Variants in PHKB observed in about 807,000 individuals in gnomAD.
PHKB encodes phosphorylase kinase regulatory subunit beta, also known as phosphorylase b kinase regulatory subunit beta.
In PHKB, 122 loss-of-function variants were observed where a neutral mutation model predicts 152.1. The observed-to-expected ratio is 0.80, with a 90% CI of 0.69 to 0.93. The LOEUF (loss-of-function observed/expected upper bound fraction) is 0.93, where lower values mean the gene tolerates loss of function less well. Ranked by LOEUF, PHKB falls within the 40% of genes least tolerant of loss-of-function variation. The pLI is 0.00. For synonymous variants in PHKB, 436 were observed against 464.9 expected (o/e 0.94, Z 0.80); for missense variants, 1,304 against 1,328.4 (o/e 0.98, Z 0.29).
At position 47,641,752 on chromosome 16, in the gene PHKB, G is replaced by A. The variant is rs151140272; in HGVS notation, c.1608+60G>A. The stretch of plus-strand genomic sequence containing the variant: ...TAGAGGTACTAGAGCTTGATGGTTG[G>A]ACTTAGTTTACAGACAAGTCACACA... On this transcript the variant is annotated intron_variant, in intron 16 of 30. Transcript: ENST00000323584. 5,700 of 912,000 alleles carry A rather than the reference G, an allele frequency of 6.3e-3. 23 individuals are homozygous for A. Among genetic ancestry groups the A allele is most frequent in the Non-Finnish European group, 8.2e-3 (4,447 of 541,424 alleles). The allele number at this position is 912,000 out of a possible 1,614,324, so 56.5% of individuals were successfully genotyped here. A position where few individuals can be genotyped will look rare whatever the true frequency, so the allele number is the denominator to read the frequency against.
chr16:47,592,544 G>A (rs1257263014), intron 10 of PHKB, among the ~76,000 whole-genome samples: 5 of 152,326 alleles, frequency 3.3e-5, no homozygotes, highest in South Asian at 2.1e-4. Flanking sequence ...TCCATCCAGC[G>A]TTAGCTGAAA....
At chr16:47,667,982 A>G (rs1471564355) in intron 25 of PHKB, among the ~76,000 whole-genome samples, 2 of 152,078 alleles carry the variant, frequency 1.3e-5, no homozygotes, top group African/African-American at 4.8e-5. Context: ...GCTGGGCAAG[A>G]CTCGGAGGCC....
chr16:47,503,003 TGAC>T lies in PHKB; in HGVS notation c.319_321del (p.Asp107del). 8 of 1,611,878 alleles carry T rather than the reference TGAC, an allele frequency of 5.0e-6. No homozygotes were observed. The highest frequency in any genetic ancestry group is 6.8e-6 in the Non-Finnish European group (8 of 1,177,942). ...CTCTCTCACCCAGGCGAATTGATGATGACAAGGGAAGGACCCATGAGCTGGAGC... is the reference window on the plus strand; with the variant it reads ...CTCTCTCACCCAGGCGAATTGATGATAAGGGAAGGACCCATGAGCTGGAGC... On this transcript the variant is annotated inframe_deletion, in exon 4 of 31. Coordinates refer to ENST00000323584, the MANE Select transcript of PHKB (RefSeq NM_000293.3).
At chr16:47,695,936 G>A (rs917078616) in intron 28 of PHKB, among the ~76,000 whole-genome samples, 1 of 152,050 alleles carries the variant, frequency 6.6e-6, no homozygotes, top group African/African-American at 2.4e-5. Context: ...GTTTTTGCTT[G>A]TTTGTATGCA....
intron 6 of PHKB, among the ~76,000 whole-genome samples, chr16:47,517,923 G>C (rs1005662690): frequency 6.6e-6 from 1 of 152,098 alleles, no homozygotes; most frequent in Non-Finnish European, 1.5e-5. Flanking sequence ...TTGAGATTCT[G>C]TATAATGTGT....
chr16:47,480,001 A>G (rs1213235138), intron 1 of PHKB, among the ~76,000 whole-genome samples: 2 of 152,178 alleles, frequency 1.3e-5, no homozygotes, highest in Non-Finnish European at 2.9e-5. Context: ...GTACATTGCT[A>G]TAAACGTTAA....
chr16:47,570,017 A>T (rs1567310174), intron 7 of PHKB, among the ~76,000 whole-genome samples: 1 of 152,154 alleles, frequency 6.6e-6, no homozygotes, highest in Admixed American at 6.5e-5. Context: ...CTTTTCTTTG[A>T]AAGTCTTTAT....
rs1465819504 is a variant in PHKB, at chr16:47,700,042, A to C, written c.*676A>C. 2 of 153,788 alleles carry C rather than the reference A, an allele frequency of 1.3e-5. No individual in the cohort carries two copies. Among genetic ancestry groups the C allele is most frequent in the Middle Eastern group, 3.4e-3 (1 of 294 alleles). The allele number at this position is 153,788 out of a possible 1,614,324, so 9.5% of individuals were successfully genotyped here. ...CTGCTAAAAATAGGACATGTCTATG[A>C]TTGTTCAAAAATATGTTAAATTTAG... On this transcript the variant is annotated 3_prime_UTR_variant, in exon 31 of 31. Coordinates refer to ENST00000323584, the MANE Select transcript of PHKB (RefSeq NM_000293.3).
chr16:47,599,410 C>CTAG (rs1260994975), intron 13 of PHKB, among the ~76,000 whole-genome samples: 4 of 151,976 alleles, frequency 2.6e-5, no homozygotes, highest in Non-Finnish European at 5.9e-5. Context: ...ATTGACAAGG[C>CTAG]TAGTGAATTG....
At chr16:47,526,562 G>A (rs149298176) in intron 6 of PHKB, among the ~76,000 whole-genome samples, 18 of 152,096 alleles carry the variant, frequency 1.2e-4, no homozygotes, top group African/African-American at 1.7e-4. Context: ...TGTAGTGAAC[G>A]GTCAGGGCAC....
chr16:47,529,796 G>A (rs1970830161), intron 6 of PHKB: 1 of 152,180 alleles, frequency 6.6e-6, no homozygotes, highest in Non-Finnish European at 1.5e-5. Context: ...GAAAGGAAGA[G>A]AGACCAGATA....
intron 26 of PHKB, among the ~76,000 whole-genome samples, chr16:47,683,529 C>T (rs912307619): frequency 1.3e-5 from 2 of 152,304 alleles, no homozygotes; most frequent in African/African-American, 4.8e-5. Flanking sequence ...TGCTAGCAAT[C>T]AGCGAGACTC....
chr16:47,536,232 G>T (rs1970949821), intron 6 of PHKB, among the ~76,000 whole-genome samples: 1 of 152,094 alleles, frequency 6.6e-6, no homozygotes, highest in African/African-American at 2.4e-5. Context: ...TGTATTTTTA[G>T]TAGAGACAGA....
At chr16:47,546,658 T>C (rs916673272) in intron 6 of PHKB, among the ~76,000 whole-genome samples, 3 of 152,140 alleles carry the variant, frequency 2.0e-5, no homozygotes, top group Non-Finnish European at 4.4e-5. Context: ...GACTGGGACG[T>C]TTAACTCTGC....
intron 26 of PHKB, among the ~76,000 whole-genome samples, chr16:47,684,886 C>T (rs1455683825): frequency 1.3e-5 from 2 of 152,164 alleles, no homozygotes; most frequent in Admixed American, 6.5e-5. Flanking sequence ...ATTCATTGTC[C>T]TTAAGTCAAA....
At chr16:47,616,941 G>A (rs1457395149) in intron 14 of PHKB, among the ~76,000 whole-genome samples, 2 of 151,010 alleles carry the variant, frequency 1.3e-5, no homozygotes, top group African/African-American at 4.8e-5. Context: ...TGTCCTTAAG[G>A]CACAGATCAC....
At chr16:47,562,136 G>C (rs1971486038) in intron 7 of PHKB, 1 of 152,324 alleles carries the variant, frequency 6.6e-6, no homozygotes, top group Non-Finnish European at 1.5e-5. Context: ...CACTGTCCCT[G>C]TGGCAGGAGC....
At chr16:47,673,129 AT>A (rs55724316) in intron 26 of PHKB, among the ~76,000 whole-genome samples, 126,596 of 147,304 alleles carry the variant, frequency 0.86, 55,443 homozygotes, top group South Asian at 0.96. Context: ...GCAATCTGGT[AT>A]TTTTTTTTTT....
intron 6 of PHKB, among the ~76,000 whole-genome samples, chr16:47,536,131 A>C: frequency 6.6e-6 from 1 of 152,126 alleles, no homozygotes; most frequent in Non-Finnish European, 1.5e-5. Flanking sequence ...GGCTCATAGC[A>C]ACCTCCGGCT....
Sources: allele counts gnomAD v4.1 joint callset (sites outside exome capture counted in the v4.1 genomes callset), GRCh38; gene constraint gnomAD v4.1.1; transcripts MANE v1.5; gene names NCBI Gene and HGNC (gene_info 2026-07-23, HGNC 2026-07-21).